Variants in ZKSCAN1 observed in about 807,000 individuals in gnomAD.
ZKSCAN1 encodes the protein zinc finger protein with KRAB and SCAN domains 1.
Under a neutral mutation model 51.6 loss-of-function variants are expected in ZKSCAN1, and 14 were observed. The ratio of observed to expected loss-of-function variants is 0.27; its 90% CI spans 0.18 to 0.42. The LOEUF is 0.42. Ranked by LOEUF, ZKSCAN1 falls within the 10% of genes least tolerant of loss-of-function variation. The pLI is 1.00. For missense variants in ZKSCAN1, 531 were observed against 710.0 expected (o/e 0.75, Z 2.86); for synonymous variants, 263 against 261.5 (o/e 1.01, Z -0.06).
Position 100,023,478 on chromosome 7 carries a change from T to C in ZKSCAN1, c.-29T>C. The C allele has an allele frequency of 6.3e-7, 1 of 1,589,236 alleles. No individual in the cohort carries two copies. The highest frequency in any genetic ancestry group is 8.6e-7 in the Non-Finnish European group (1 of 1,168,976). ...GACATAAAGGTGAGCACAGACCCTG[T>C]TTGGATCAAGTCAGTTCCTGGAGCC... On this transcript the variant is annotated 5_prime_UTR_variant, in exon 2 of 6. Coordinates refer to ENST00000324306, the MANE Select transcript of ZKSCAN1 (RefSeq NM_003439.4).
downstream of ZKSCAN1, chr7:100,044,727 C>A: frequency 3.6e-4 from 247 of 692,026 alleles, no homozygotes; most frequent in Middle Eastern, 1.6e-3. Flanking sequence ...TAATTTTTTT[C>A]ATGAAGTTTA....
rs189177939 is a variant in ZKSCAN1, at chr7:100,026,215, G to A, written c.580+1908G>A. On this transcript the variant is annotated intron_variant, in intron 3 of 5. Transcript: ENST00000324306. ...CATCGCACTCCAGCCTGAGCAACAA[G>A]AGTGAAACTCATCTCAAAAAAAAAA... is the stretch of plus-strand genomic sequence containing the variant. 4.4e-3 allele frequency among the ~76,000 whole-genome samples: 439 copies of A among 100,464 alleles called. 12 individuals are homozygous for A. The Admixed American group carries it at 0.058, about 13-fold the overall frequency. 65.9% of individuals were successfully genotyped at this position (100,464 alleles called of 152,430 possible).
rs1791531190 is a variant in ZKSCAN1 at position 100,040,102 on chromosome 7, CTT to C, written c.*5906_*5907del. ...ACTTTTCAAAGCTTTGTGAAACAAACTTGAAGTTATAGGGAGGTAAGCCATCT... is the reference window on the plus strand; with the variant it reads ...ACTTTTCAAAGCTTTGTGAAACAAACGAAGTTATAGGGAGGTAAGCCATCT... On this transcript the variant is annotated 3_prime_UTR_variant, in exon 6 of 6. Coordinates refer to ENST00000324306, the MANE Select transcript of ZKSCAN1 (RefSeq NM_003439.4). 3.2e-6 allele frequency: 3 copies of C among 941,818 alleles called. No individual in the cohort carries two copies. Among genetic ancestry groups the C allele is most frequent in the Non-Finnish European group, 3.8e-6 (3 of 790,472 alleles). 58.3% of individuals were successfully genotyped at this position (941,818 alleles called of 1,614,324 possible). A position where few individuals can be genotyped will look rare whatever the true frequency, so the allele number is the denominator to read the frequency against.
Position 100,033,190 on chromosome 7 carries a change from A to G in ZKSCAN1, c.800-115A>G, listed in dbSNP as rs1049152934. Reference sequence around the variant, plus strand: ...CTGTCTCAAAGGAAATAAAAATAAAAATATTGCAAAGTCATTTTGCAGCCG... The same window carrying G: ...CTGTCTCAAAGGAAATAAAAATAAAGATATTGCAAAGTCATTTTGCAGCCG... On this transcript the variant is annotated intron_variant, in intron 5 of 5. Coordinates refer to ENST00000324306, the MANE Select transcript of ZKSCAN1 (RefSeq NM_003439.4). The surrounding 1 kb of genome is among the most constrained non-coding windows in gnomAD (Gnocchi z 4.1). 3.5e-6 allele frequency: 5 copies of G among 1,442,644 alleles called. No individual in the cohort carries two copies. In the Admixed American group the frequency reaches 1.5e-4, roughly 42 times the overall value. 89.4% of individuals were successfully genotyped at this position (1,442,644 alleles called of 1,614,324 possible). A position where few individuals can be genotyped will look rare whatever the true frequency, so the allele number is the denominator to read the frequency against.
downstream of ZKSCAN1, among the ~76,000 whole-genome samples, chr7:100,042,826 C>T (rs1222353794): frequency 1.5e-5 from 2 of 136,468 alleles, no homozygotes; most frequent in Non-Finnish European, 3.1e-5. Flanking sequence ...TAGACGGAGT[C>T]TCGCTCTGTC....
Position 100,037,615 on chromosome 7 carries a change from A to C in ZKSCAN1, c.*3418A>C, listed in dbSNP as rs1304826184. 1.0e-6 allele frequency: 1 copy of C among 985,484 alleles called. No homozygotes were observed. The highest frequency in any genetic ancestry group is 1.2e-6 in the Non-Finnish European group (1 of 829,940). The allele number at this position is 985,484 out of a possible 1,614,324, so 61.0% of individuals were successfully genotyped here. A position where few individuals can be genotyped will look rare whatever the true frequency, so the allele number is the denominator to read the frequency against. On this transcript the variant is annotated 3_prime_UTR_variant, in exon 6 of 6. Coordinates refer to ENST00000324306, the MANE Select transcript of ZKSCAN1 (RefSeq NM_003439.4). Reference sequence around the variant, plus strand: ...CTTATACTGTAAATAAACTTGATGAATATTATATGTGAGGAAAACTTTCAT... The same window carrying C: ...CTTATACTGTAAATAAACTTGATGACTATTATATGTGAGGAAAACTTTCAT...
At position 100,024,264 on chromosome 7, in the gene ZKSCAN1, C is replaced by T. The variant is rs773967457; in HGVS notation, c.537C>T (p.His179=). ...FDLHHEATQS[H]FKHSSRKPRL... ...TTCATCACGAGGCCACCCAGTCCCA[C>T]TTCAAACATTCGTCTCGGAAACCCC... Residue 179 remains histidine (H), a synonymous_variant, in exon 3 of 6, where the codon CAC becomes CAT. Transcript: ENST00000324306. 3 of 1,614,050 alleles carry T rather than the reference C, an allele frequency of 1.9e-6. No homozygotes were observed. The highest frequency in any genetic ancestry group is 2.2e-5 in the South Asian group (2 of 91,070).
At chr7:100,017,229 T>A (rs942941777) in intron 1 of ZKSCAN1, among the ~76,000 whole-genome samples, 11 of 150,576 alleles carry the variant, frequency 7.3e-5, no homozygotes, top group Admixed American at 4.0e-4. Context: ...AAAAAAAAAT[T>A]TTTTTTTTTT....
chr7:100,031,258 T>A (rs1791089691), intron 5 of ZKSCAN1, among the ~76,000 whole-genome samples: 1 of 150,492 alleles, frequency 6.6e-6, no homozygotes, highest in Non-Finnish European at 1.5e-5. Context: ...TGGTACTTGC[T>A]CTTTGTACTA....
At position 100,023,856 on chromosome 7, in the gene ZKSCAN1, A is replaced by C; in HGVS notation, c.350A>C (p.Gln117Pro). The change falls in exon 2 of 6, where the codon CAG becomes CCG. Residue 117 changes from glutamine to proline, a missense_variant. Gln to Pro is a moderately conservative substitution (Grantham distance 76, BLOSUM62 -1). Transcript: ENST00000324306. ...CCCAAGGAGCTCCAGGTCTGGCTGC[A>C]GGAATACCGCCCCGATAGTGGAGAG... ...ILPKELQVWL[Q>P]EYRPDSGEEA... The C allele has an allele frequency of 6.2e-7, 1 of 1,613,952 alleles. No individual in the cohort carries two copies. Among genetic ancestry groups the C allele is most frequent in the Non-Finnish European group, 8.5e-7 (1 of 1,180,020 alleles).
chr7:100,029,548 T>A (rs1791010617), intron 3 of ZKSCAN1, among the ~76,000 whole-genome samples: 1 of 152,156 alleles, frequency 6.6e-6, no homozygotes, highest in Non-Finnish European at 1.5e-5. Context: ...TGGGTCCCCA[T>A]CCTGGCTCTG....
At position 100,019,054 on chromosome 7, in the gene ZKSCAN1, C is replaced by T. The variant is rs563159708; in HGVS notation, c.-89+3328C>T. Among the ~76,000 whole-genome samples the T allele has an allele frequency of 6.6e-5, 10 of 152,336 alleles. 1 individual carries two copies. The East Asian group carries it at 1.4e-3, about 21-fold the overall frequency. ...TGGGCTCGCTATCACACTAGTTCTGCTCAGTTACCATGTTTGAAGATCCCA... is the reference window on the plus strand; with the variant it reads ...TGGGCTCGCTATCACACTAGTTCTGTTCAGTTACCATGTTTGAAGATCCCA... On this transcript the variant is annotated intron_variant, in intron 1 of 5. Transcript: ENST00000324306.
chr7:100,041,883 G>A (rs1252314891), downstream of ZKSCAN1, among the ~76,000 whole-genome samples: 3 of 152,190 alleles, frequency 2.0e-5, no homozygotes, highest in Admixed American at 1.3e-4. Context: ...CCAGTCACCT[G>A]AATGGACCTC....
At chr7:100,021,751 T>G (rs1790596668) in intron 1 of ZKSCAN1, among the ~76,000 whole-genome samples, 1 of 151,614 alleles carries the variant, frequency 6.6e-6, no homozygotes, top group African/African-American at 2.4e-5. Flanking sequence ...TTTTTTTTTT[T>G]TTTTCCTTTT....
rs1215632499 is a variant in ZKSCAN1 at position 100,033,176 on chromosome 7, GAAATAA to G, written c.800-117_800-112del. The G allele has an allele frequency of 6.5e-5, 93 of 1,424,744 alleles. No individual in the cohort carries two copies. Among genetic ancestry groups the G allele is most frequent in the Non-Finnish European group, 8.0e-5 (87 of 1,088,586 alleles). The allele number at this position is 1,424,744 out of a possible 1,614,324, so 88.3% of individuals were successfully genotyped here. On this transcript the variant is annotated intron_variant, in intron 5 of 5. Transcript: ENST00000324306. This position sits in a 1 kb window ranked among gnomAD's most constrained non-coding sequence, Gnocchi z 4.1. ...GACAGAGCGAGACTCTGTCTCAAAG[GAAATAA>G]AAATAAAAATATTGCAAAGTCATTT...
At chr7:100,025,436 A>G (rs915946487) in intron 3 of ZKSCAN1, among the ~76,000 whole-genome samples, 1 of 152,042 alleles carries the variant, frequency 6.6e-6, no homozygotes, top group Non-Finnish European at 1.5e-5. Context: ...AAAAAAGATC[A>G]GTTCACAGTC....
chr7:100,040,339 C>G lies in ZKSCAN1; in HGVS notation c.*6142C>G, dbSNP rs763804236. On this transcript the variant is annotated 3_prime_UTR_variant, in exon 6 of 6. Coordinates refer to ENST00000324306, the MANE Select transcript of ZKSCAN1 (RefSeq NM_003439.4). ...AATCATGGTCTCTGACAATTTGAAT[C>G]TGAGATTCTCACCTCCATTTACTAA... The G allele has an allele frequency of 2.0e-6, 2 of 985,408 alleles. No homozygotes were observed. The highest frequency in any genetic ancestry group is 1.2e-6 in the Non-Finnish European group (1 of 829,926). 61.0% of individuals were successfully genotyped at this position (985,408 alleles called of 1,614,324 possible). A position where few individuals can be genotyped will look rare whatever the true frequency, so the allele number is the denominator to read the frequency against.
Position 100,040,410 on chromosome 7 carries a change from T to G in ZKSCAN1, c.*6213T>G. On this transcript the variant is annotated 3_prime_UTR_variant, in exon 6 of 6. Coordinates refer to ENST00000324306, the MANE Select transcript of ZKSCAN1 (RefSeq NM_003439.4). The stretch of plus-strand genomic sequence containing the variant: ...ATTGCACAGTAATCAGTAAAGTGAA[T>G]ACGTTTTTAAAATGGAATTTTCTCC... 2 of 985,474 alleles carry G rather than the reference T, an allele frequency of 2.0e-6. No homozygotes were observed. The highest frequency in any genetic ancestry group is 2.4e-6 in the Non-Finnish European group (2 of 829,946). The allele number at this position is 985,474 out of a possible 1,614,324, so 61.0% of individuals were successfully genotyped here. A position where few individuals can be genotyped will look rare whatever the true frequency, so the allele number is the denominator to read the frequency against.
chr7:100,040,744 T>C lies in ZKSCAN1; in HGVS notation c.*6547T>C, dbSNP rs1356975777. The C allele has an allele frequency of 1.0e-6, 1 of 985,256 alleles. No homozygotes were observed. Among genetic ancestry groups the C allele is most frequent in the African/African-American group, 1.7e-5 (1 of 57,196 alleles). The allele number at this position is 985,256 out of a possible 1,614,324, so 61.0% of individuals were successfully genotyped here. ...AGGGGCCGAGGAAAGGCTGTTGGGGTGTGCTGGGGTTGGTACCCGAGCGCC... is the reference window on the plus strand; with the variant it reads ...AGGGGCCGAGGAAAGGCTGTTGGGGCGTGCTGGGGTTGGTACCCGAGCGCC... On this transcript the variant is annotated 3_prime_UTR_variant, in exon 6 of 6. Transcript: ENST00000324306.
Sources: allele counts gnomAD v4.1 joint callset (sites outside exome capture counted in the v4.1 genomes callset), GRCh38; gene constraint gnomAD v4.1.1; non-coding constraint Gnocchi (gnomAD v3.1); transcripts MANE v1.5; gene names NCBI Gene and HGNC (gene_info 2026-07-23, HGNC 2026-07-21).